Variants in DENND2B observed in about 807,000 individuals in gnomAD.
DENND2B encodes the protein DENN domain containing 2B.
Under a neutral mutation model 116.0 loss-of-function variants are expected in DENND2B, and 32 were observed. That is an observed-to-expected ratio of 0.28 (90% confidence interval 0.21 to 0.37). DENND2B has a LOEUF of 0.37. DENND2B is among the 10% of genes least tolerant of loss of function. The pLI, the probability that DENND2B is intolerant of heterozygous loss-of-function variation, is 1.00. For missense variants in DENND2B, 1,276 were observed against 1,477.7 expected, an observed-to-expected ratio of 0.86 and a Z score of 2.24; for synonymous variants, 588 against 583.9, an observed-to-expected ratio of 1.01 and a Z score of -0.10.
chr11:8,861,740 C>T (rs1367409495), intron 2 of DENND2B, among the ~76,000 whole-genome samples: 7 of 152,078 alleles, frequency 4.6e-5, no homozygotes, highest in Admixed American at 2.6e-4. Context: ...ATATGTTTAT[C>T]GCAGCACAAT....
At chr11:8,760,925 T>A (rs555445576) in intron 1 of DENND2B, among the ~76,000 whole-genome samples, 1 of 152,290 alleles carries the variant, frequency 6.6e-6, no homozygotes, top group African/African-American at 2.4e-5. Context: ...GAAAGACAAT[T>A]TTTTTGTTGT....
chr11:8,715,756 G>A lies in DENND2B; in HGVS notation c.1692C>T (p.His564=), dbSNP rs1403790163. ...RSGNWSERKS[H]RLPRLPKRHS... is the part of the protein sequence containing the mutation. ...GCCTCTTGGGTAATCGTGGCAGCCG[G>A]TGGCTCTTCCTTTCTGACCAGTTCC... Residue 564 remains histidine (H), a synonymous_variant, in exon 6 of 20, where the codon CAC becomes CAT. Transcript: ENST00000313726. 3.7e-6 allele frequency: 6 copies of A among 1,613,996 alleles called. No individual in the cohort carries two copies. The highest frequency in any genetic ancestry group is 1.3e-5 in the African/African-American group (1 of 74,950).
chr11:8,729,852 C>T, intron 3 of DENND2B, 98 bp downstream of exon 3: 1 of 1,487,356 alleles, frequency 6.7e-7, no homozygotes, highest in South Asian at 1.3e-5. Flanking sequence ...TTACGAAGCA[C>T]TAATGACTGC....
In DENND2B at chr11:8,715,838, G is replaced by A. The variant is rs545701525; in HGVS notation, c.1630-20C>T. 7.6e-5 allele frequency: 120 copies of A among 1,575,836 alleles called. 2 individuals carry two copies. In the South Asian group the frequency reaches 8.7e-4, roughly 11 times the overall value. ...GGAAAGCTGGCGTGGGGGAGAGGACGTGCGAGAGGGGCTTGCCACAGAGGC... is the reference window on the plus strand; with the variant it reads ...GGAAAGCTGGCGTGGGGGAGAGGACATGCGAGAGGGGCTTGCCACAGAGGC... On this transcript the variant is annotated intron_variant, in intron 5 of 19. Coordinates refer to ENST00000313726, the MANE Select transcript of DENND2B (RefSeq NM_213618.2).
chr11:8,859,830 T>C (rs892029698), intron 2 of DENND2B, among the ~76,000 whole-genome samples: 1 of 152,136 alleles, frequency 6.6e-6, no homozygotes, highest in Non-Finnish European at 1.5e-5. Context: ...CCATCTGCCA[T>C]GCCATTTTCC....
At chr11:8,718,686 G>A in intron 4 of DENND2B, 1 of 1,197,366 alleles carries the variant, frequency 8.4e-7, no homozygotes. Context: ...CCAAAGGGTG[G>A]GGGTGAGGGG....
Position 8,715,642 on chromosome 11 carries a change from G to C in DENND2B, c.1806C>G (p.Ser602Arg). The C allele has an allele frequency of 6.2e-7, 1 of 1,613,834 alleles. No individual in the cohort carries two copies. Among genetic ancestry groups the C allele is most frequent in the African/African-American group, 1.3e-5 (1 of 75,042 alleles). Residue 602 changes from serine to arginine, a missense_variant, in exon 6 of 20, where the codon AGC becomes AGG. Around this residue, in one of 2 missense-constraint regions of DENND2B, gnomAD observed 856 missense variants for 846.6 expected, o/e 1.01. Transcript: ENST00000313726. ...SLNEDSLSTTSELLSSRRARR... is the reference protein window; with the variant it reads ...SLNEDSLSTTRELLSSRRARR... ...GGGCCCGGCGGCTGGACAGCAGCTC[G>C]CTGGTGGTGCTGAGGCTGTCTTCAT... is the stretch of plus-strand genomic sequence containing the variant.
intron 16 of DENND2B, 117 bp downstream of exon 16, chr11:8,698,814 CTG>C (rs892864482): frequency 1.1e-5 from 14 of 1,229,794 alleles, no homozygotes; most frequent in Non-Finnish European, 1.5e-5. Flanking sequence ...CTTGACTAGT[CTG>C]TGAGTAGTAC....
intron 3 of DENND2B, chr11:8,726,438 A>G (rs970500122): frequency 8.7e-6 from 4 of 459,008 alleles, no homozygotes; most frequent in African/African-American, 6.1e-5. Context: ...CCGCTATTAG[A>G]TAACAACTAC....
chr11:8,908,570 C>T (rs1329534500), intron 1 of DENND2B, among the ~76,000 whole-genome samples: 1 of 152,196 alleles, frequency 6.6e-6, no homozygotes, highest in Non-Finnish European at 1.5e-5. Flanking sequence ...GGACCAAATT[C>T]TGTCCCACTC....
intron 4 of DENND2B, chr11:8,718,759 A>G (rs2045584479): frequency 9.6e-7 from 1 of 1,042,876 alleles, no homozygotes; most frequent in South Asian, 4.2e-5. Flanking sequence ...TGGCATTACC[A>G]GAAAATCTCA....
At chr11:8,889,862 A>C (rs955107200) in intron 1 of DENND2B, among the ~76,000 whole-genome samples, 1 of 152,230 alleles carries the variant, frequency 6.6e-6, no homozygotes, top group Non-Finnish European at 1.5e-5. Flanking sequence ...TGCAGACTTA[A>C]ATGTCCCTGT....
intron 1 of DENND2B, among the ~76,000 whole-genome samples, chr11:8,908,991 G>T (rs1484676615): frequency 6.6e-6 from 1 of 152,046 alleles, no homozygotes; most frequent in Non-Finnish European, 1.5e-5. Context: ...ACATTCAAGG[G>T]CTATTTTTAG....
chr11:8,766,717 A>G (rs1299333075), intron 1 of DENND2B: 33 of 1,274,792 alleles, frequency 2.6e-5, no homozygotes, highest in Non-Finnish European at 3.1e-5. Context: ...TCTGTTGGTG[A>G]CATCACAGCT....
intron 1 of DENND2B, among the ~76,000 whole-genome samples, chr11:8,802,241 C>T (rs2060415192): frequency 6.6e-6 from 1 of 150,428 alleles, no homozygotes; most frequent in Non-Finnish European, 1.5e-5. Context: ...ATGGAAGTTG[C>T]AGTGAGCCGA....
rs368103889 is a variant in DENND2B at position 8,724,283 on chromosome 11, G to A, written c.1477+1790C>T. The stretch of plus-strand genomic sequence containing the variant: ...TGCACTCCAGCCTGGGTGACAGAGC[G>A]AGACTCCGTCTCAAAAAAAAAAAAA... On this transcript the variant is annotated intron_variant, in intron 4 of 19. Coordinates refer to ENST00000313726, the MANE Select transcript of DENND2B (RefSeq NM_213618.2). Among the ~76,000 whole-genome samples the A allele has an allele frequency of 2.4e-4, 36 of 150,786 alleles. No individual in the cohort carries two copies. The Middle Eastern group carries it at 0.017, about 73-fold the overall frequency.
At chr11:8,820,254 T>C (rs1038801337) in intron 4 of DENND2B, among the ~76,000 whole-genome samples, 8 of 152,186 alleles carry the variant, frequency 5.3e-5, no homozygotes, top group African/African-American at 1.9e-4. Context: ...ATATATCACA[T>C]ATATTACCCA....
intron 4 of DENND2B, among the ~76,000 whole-genome samples, chr11:8,834,718 C>G (rs1226324986): frequency 6.6e-6 from 1 of 152,220 alleles, no homozygotes; most frequent in Non-Finnish European, 1.5e-5. Context: ...ACTTCACCAG[C>G]AGGGGCCAGA....
intron 1 of DENND2B, among the ~76,000 whole-genome samples, chr11:8,910,240 GCCT>G (rs1045377637): frequency 1.3e-5 from 2 of 151,646 alleles, no homozygotes; most frequent in Non-Finnish European, 2.9e-5. Flanking sequence ...AGACAGCCCC[GCCT>G]CCGTCTCGCC....
Sources: allele counts gnomAD v4.1 joint callset (sites outside exome capture counted in the v4.1 genomes callset), GRCh38; gene constraint gnomAD v4.1.1; regional missense constraint gnomAD v4.1.1; transcripts MANE v1.5; gene names NCBI Gene and HGNC (gene_info 2026-07-23, HGNC 2026-07-21).